PAFAH1B1: variants seen among roughly 807,000 people sequenced by gnomAD.
PAFAH1B1 encodes the protein platelet activating factor acetylhydrolase 1b regulatory subunit 1, also known as platelet-activating factor acetylhydrolase IB subunit beta.
In PAFAH1B1, 2 loss-of-function variants were observed where a neutral mutation model predicts 57.5. The observed-to-expected ratio is 0.03, with a 90% CI of 0.01 to 0.11. The LOEUF is 0.11. Ranked by LOEUF, PAFAH1B1 falls within the 10% of genes least tolerant of loss-of-function variation. The probability of loss-of-function intolerance (pLI) is 1.00; values close to 1 mark genes in which losing one functional copy is unlikely to be tolerated. For synonymous variants in PAFAH1B1, 152 were observed against 169.6 expected (o/e 0.90, Z 0.81); for missense variants, 257 against 512.0 (o/e 0.50, Z 4.81).
intron 2 of PAFAH1B1, among the ~76,000 whole-genome samples, chr17:2,663,201 C>A (rs1046462123): frequency 6.6e-6 from 1 of 152,054 alleles, no homozygotes; most frequent in Non-Finnish European, 1.5e-5. Flanking sequence ...TGGTGTGAAC[C>A]CAGGAGGCAG....
intron 1 of PAFAH1B1, among the ~76,000 whole-genome samples, chr17:2,597,850 C>A (rs1322263829): frequency 6.6e-6 from 1 of 151,768 alleles, no homozygotes; most frequent in East Asian, 1.9e-4. Context: ...TTTTAAGTAT[C>A]CAGCAAAAAT....
intron 1 of PAFAH1B1, among the ~76,000 whole-genome samples, chr17:2,624,139 C>G (rs1381306243): frequency 6.6e-6 from 1 of 152,162 alleles, no homozygotes; most frequent in Non-Finnish European, 1.5e-5. Context: ...GCTCCAGTTC[C>G]CAACGAACTC....
At chr17:2,613,109 A>G (rs1354713358) in intron 1 of PAFAH1B1, among the ~76,000 whole-genome samples, 1 of 139,648 alleles carries the variant, frequency 7.2e-6, no homozygotes, top group Non-Finnish European at 1.6e-5. Context: ...GAACAAAACC[A>G]TATCTTTTTC....
At chr17:2,608,814 A>C (rs1033557859) in intron 1 of PAFAH1B1, among the ~76,000 whole-genome samples, 1 of 152,256 alleles carries the variant, frequency 6.6e-6, no homozygotes, top group African/African-American at 2.4e-5. Context: ...CCTTAGGTTA[A>C]TTAAATAAAA....
intron 8 of PAFAH1B1, chr17:2,676,239 G>A (rs1402097715): frequency 2.5e-6 from 1 of 395,488 alleles, no homozygotes; most frequent in Non-Finnish European, 4.8e-6. Context: ...TTAGCCACAT[G>A]TGGTGGTGCG....
chr17:2,672,026 T>C (rs2069191158), intron 6 of PAFAH1B1, among the ~76,000 whole-genome samples: 1 of 152,010 alleles, frequency 6.6e-6, no homozygotes, highest in Admixed American at 6.6e-5. Flanking sequence ...TCAGCACTTT[T>C]GGAGGCCAAG....
chr17:2,603,640 T>C (rs2068170912), intron 1 of PAFAH1B1, among the ~76,000 whole-genome samples: 1 of 151,992 alleles, frequency 6.6e-6, no homozygotes, highest in East Asian at 1.9e-4. Flanking sequence ...AAAAAAAGTA[T>C]GTATATATGT....
intron 8 of PAFAH1B1, among the ~76,000 whole-genome samples, chr17:2,674,621 C>T (rs995788661): frequency 6.6e-6 from 1 of 152,104 alleles, no homozygotes. Flanking sequence ...GAAAAATAGC[C>T]TTCATTAATG....
At chr17:2,645,621 A>G (rs534397710) in intron 2 of PAFAH1B1, among the ~76,000 whole-genome samples, 6 of 143,938 alleles carry the variant, frequency 4.2e-5, no homozygotes, top group East Asian at 4.2e-4. Context: ...ATATATATAT[A>G]TATTTTTTGT....
chr17:2,627,891 G>A (rs2068511927), intron 1 of PAFAH1B1, among the ~76,000 whole-genome samples: 1 of 152,156 alleles, frequency 6.6e-6, no homozygotes, highest in Admixed American at 6.5e-5. Context: ...GTTGCTCTTG[G>A]TGTATAGAAG....
At chr17:2,652,284 G>A (rs931874127) in intron 2 of PAFAH1B1, among the ~76,000 whole-genome samples, 29 of 147,752 alleles carry the variant, frequency 2.0e-4, no homozygotes, top group East Asian at 3.9e-4. Flanking sequence ...GCGTGGTGGC[G>A]GGTGCCTGTA....
At chr17:2,660,556 A>C (rs2069001441) in intron 2 of PAFAH1B1, among the ~76,000 whole-genome samples, 1 of 152,132 alleles carries the variant, frequency 6.6e-6, no homozygotes, top group South Asian at 2.1e-4. Flanking sequence ...TTCTAGCTTC[A>C]TCCATGTCGC....
chr17:2,671,980 C>G (rs79863017), intron 6 of PAFAH1B1, among the ~76,000 whole-genome samples: 2,209 of 152,046 alleles, frequency 0.015, 66 homozygotes, highest in African/African-American at 0.051. Flanking sequence ...AGAATATCAA[C>G]CTAGAAGCTA....
intron 2 of PAFAH1B1, among the ~76,000 whole-genome samples, chr17:2,652,279 G>T (rs983308947): frequency 1.3e-5 from 2 of 151,914 alleles, no homozygotes; most frequent in Non-Finnish European, 2.9e-5. Context: ...GCCGGGCGTG[G>T]TGGCGGGTGC....
intron 2 of PAFAH1B1, among the ~76,000 whole-genome samples, chr17:2,658,838 T>C (rs905624513): frequency 6.6e-6 from 1 of 152,188 alleles, no homozygotes; most frequent in African/African-American, 2.4e-5. Flanking sequence ...TGGCAATCAA[T>C]TTGTCAGACA....
chr17:2,667,494 C>A, intron 5 of PAFAH1B1: 1 of 347,240 alleles, frequency 2.9e-6, no homozygotes, highest in Admixed American at 4.3e-5. Flanking sequence ...GAGAGGCATG[C>A]TGCCAGGTAA....
intron 1 of PAFAH1B1, among the ~76,000 whole-genome samples, chr17:2,623,103 C>T (rs998697339): frequency 4.6e-5 from 7 of 152,092 alleles, no homozygotes; most frequent in Non-Finnish European, 7.4e-5. Context: ...TCCTGGGCCT[C>T]CAGGCCTGTG....
chr17:2,640,863 T>C (rs2068686580), intron 2 of PAFAH1B1: 1 of 152,218 alleles, frequency 6.6e-6, no homozygotes, highest in African/African-American at 2.4e-5. Context: ...GTTTTCATCC[T>C]CAACCAAGAT....
intron 1 of PAFAH1B1, among the ~76,000 whole-genome samples, chr17:2,596,894 A>C (rs1359294326): frequency 6.6e-6 from 1 of 152,118 alleles, no homozygotes; most frequent in African/African-American, 2.4e-5. Flanking sequence ...CCCCGTCTCT[A>C]CTAAAAATAC....
Sources: allele counts gnomAD v4.1 joint callset (sites outside exome capture counted in the v4.1 genomes callset), GRCh38; gene constraint gnomAD v4.1.1; transcripts MANE v1.5; gene names NCBI Gene and HGNC (gene_info 2026-07-23, HGNC 2026-07-21).